NMT1: variants seen among roughly 807,000 people sequenced by gnomAD.
NMT1 encodes the protein glycylpeptide N-tetradecanoyltransferase 1.
In NMT1, 12 loss-of-function variants were observed where a neutral mutation model predicts 63.4. The observed-to-expected ratio is 0.19, with a 90% CI of 0.12 to 0.31. The LOEUF is 0.31. NMT1 is among the 10% of genes least tolerant of loss of function. The pLI is 1.00. For synonymous variants in NMT1, 228 were observed against 234.3 expected (o/e 0.97, Z 0.25); for missense variants, 432 against 634.6 (o/e 0.68, Z 3.43).
intron 1 of NMT1, among the ~76,000 whole-genome samples, chr17:45,068,077 C>T (rs1421123316): frequency 6.6e-6 from 1 of 152,218 alleles, no homozygotes; most frequent in East Asian, 1.9e-4. Context: ...CTCTACCCTT[C>T]AGGCCTCTCT....
chr17:45,096,474 C>CA (rs2054125692), intron 5 of NMT1, among the ~76,000 whole-genome samples, 189 bp downstream of exon 5: 1 of 152,210 alleles, frequency 6.6e-6, no homozygotes, highest in African/African-American at 2.4e-5. Flanking sequence ...TTGTTTAAGA[C>CA]AATTGACTGG....
In NMT1 at chr17:45,103,134, G is replaced by A. The variant is rs2054179021; in HGVS notation, c.1164+13G>A. On this transcript the variant is annotated intron_variant, in intron 9 of 11. Coordinates refer to ENST00000258960, the MANE Select transcript of NMT1 (RefSeq NM_021079.5). This position sits in a 1 kb window ranked among gnomAD's most constrained non-coding sequence, Gnocchi z 4.8. ...TTTCGTGGTGGAGGTGAGTCAGGGA[G>A]TGGTGTTCCAGGTCTCTAACACGTT... The A allele has an allele frequency of 6.2e-7, 1 of 1,601,974 alleles. No homozygotes were observed.
Position 45,061,418 on chromosome 17 carries a change from G to T in NMT1, c.89G>T (p.Cys30Phe). The change falls in exon 1 of 12, where the codon TGC becomes TTC. Residue 30 changes from cysteine to phenylalanine, a missense_variant. Cys to Phe is a radical substitution (Grantham distance 205, BLOSUM62 -2). Coordinates refer to ENST00000258960, the MANE Select transcript of NMT1 (RefSeq NM_021079.5). ...MEGNGNGHEH[C>F]SDCENEEDNS... ...GGGAACGGGAACGGCCATGAGCACTGCAGCGATTGCGAGAATGAGGAGGAC... is the reference window on the plus strand; with the variant it reads ...GGGAACGGGAACGGCCATGAGCACTTCAGCGATTGCGAGAATGAGGAGGAC... The T allele has an allele frequency of 6.2e-7, 1 of 1,613,982 alleles. No individual in the cohort carries two copies. The highest frequency in any genetic ancestry group is 8.5e-7 in the Non-Finnish European group (1 of 1,179,958).
At chr17:45,069,145 G>C (rs2053923077) in intron 1 of NMT1, among the ~76,000 whole-genome samples, 1 of 151,418 alleles carries the variant, frequency 6.6e-6, no homozygotes, top group Non-Finnish European at 1.5e-5. Context: ...AGTTTTAGTA[G>C]AGACGGGGTT....
chr17:45,082,315 A>G (rs751176815), intron 2 of NMT1, among the ~76,000 whole-genome samples: 9 of 149,856 alleles, frequency 6.0e-5, no homozygotes, highest in Admixed American at 4.7e-4. Context: ...GAGTCTCACT[A>G]TGTTACCCAA....
chr17:45,105,059 A>AC lies in NMT1; in HGVS notation c.1470+65dup, dbSNP rs2054193923. On this transcript the variant is annotated intron_variant, in intron 11 of 11. Coordinates refer to ENST00000258960, the MANE Select transcript of NMT1 (RefSeq NM_021079.5). This position sits in a 1 kb window ranked among gnomAD's most constrained non-coding sequence, Gnocchi z 4.2. ...CAGGGTGTCCATGTCTCCAGCAGAAACCGGGCCATGGGTTGAGGAGACAGC... is the reference window on the plus strand; with the variant it reads ...CAGGGTGTCCATGTCTCCAGCAGAAACCCGGGCCATGGGTTGAGGAGACAGC... 1.2e-6 allele frequency: 2 copies of AC among 1,604,822 alleles called. No homozygotes were observed. The highest frequency in any genetic ancestry group is 1.7e-6 in the Non-Finnish European group (2 of 1,174,634).
At chr17:45,096,122 G>T in intron 4 of NMT1, 72 bp from the exon 5 acceptor site, 4 of 1,109,078 alleles carry the variant, frequency 3.6e-6, no homozygotes, top group Non-Finnish European at 5.5e-6. Flanking sequence ...GAAAAGCCTA[G>T]AGCCCCAGGG....
In NMT1 at chr17:45,108,810, T is replaced by C. The variant is rs2054221078; in HGVS notation, c.*3171T>C. The C allele has an allele frequency of 6.6e-6, 1 of 152,258 alleles. No individual in the cohort carries two copies. Among genetic ancestry groups the C allele is most frequent in the South Asian group, 2.1e-4 (1 of 4,832 alleles). The allele number at this position is 152,258 out of a possible 1,614,324, so 9.4% of individuals were successfully genotyped here. ...ACGGAGGCTGTTGAGGACAATTTCA[T>C]TCCATTAAATTAAAAAATACTGACT... On this transcript the variant is annotated 3_prime_UTR_variant, in exon 12 of 12. Transcript: ENST00000258960.
Position 45,104,313 on chromosome 17 carries a change from C to T in NMT1, c.1332+437C>T. ...GTGGGTTCTGGTAACCTGTGCCCAG[C>T]CCAGCCCAGCCTGCTGTAGGCAATC... is the stretch of plus-strand genomic sequence containing the variant. On this transcript the variant is annotated intron_variant, in intron 10 of 11. Coordinates refer to ENST00000258960, the MANE Select transcript of NMT1 (RefSeq NM_021079.5). The surrounding 1 kb of genome is among the most constrained non-coding windows in gnomAD (Gnocchi z 4.2). The T allele has an allele frequency of 8.5e-7, 1 of 1,173,252 alleles. No homozygotes were observed. Among genetic ancestry groups the T allele is most frequent in the East Asian group, 6.2e-5 (1 of 16,024 alleles). 72.7% of individuals were successfully genotyped at this position (1,173,252 alleles called of 1,614,324 possible).
chr17:45,102,898 T>G (rs2143523208), intron 8 of NMT1, 53 bp from the exon 9 acceptor site: 1 of 1,517,446 alleles, frequency 6.6e-7, no homozygotes, highest in East Asian at 2.3e-5. Context: ...TTGCCATGGA[T>G]AGATCCAGGG....
At chr17:45,084,854 A>G (rs2054041868) in intron 2 of NMT1, among the ~76,000 whole-genome samples, 1 of 152,166 alleles carries the variant, frequency 6.6e-6, no homozygotes, top group Non-Finnish European at 1.5e-5. Flanking sequence ...TTAGAGAGCA[A>G]ATTGATGATA....
At chr17:45,093,269 ATTG>A (rs1216196891) in intron 3 of NMT1, among the ~76,000 whole-genome samples, 3 of 152,220 alleles carry the variant, frequency 2.0e-5, no homozygotes, top group Non-Finnish European at 2.9e-5. Flanking sequence ...GGCCCAGTAC[ATTG>A]TTGTTGCTGT....
rs901967082 is a variant in NMT1 at position 45,105,122 on chromosome 17, G to A, written c.1470+126G>A. ...CCTTGTTACCTCGAGTTGAACCTTT[G>A]AAAATGCCCTCCCTCTGCTGGCCAG... On this transcript the variant is annotated intron_variant, in intron 11 of 11. Coordinates refer to ENST00000258960, the MANE Select transcript of NMT1 (RefSeq NM_021079.5). This position sits in a 1 kb window ranked among gnomAD's most constrained non-coding sequence, Gnocchi z 4.2. 1.5e-5 allele frequency: 19 copies of A among 1,250,752 alleles called. No individual in the cohort carries two copies. The highest frequency in any genetic ancestry group is 1.9e-5 in the Non-Finnish European group (17 of 898,724). The allele number at this position is 1,250,752 out of a possible 1,614,324, so 77.5% of individuals were successfully genotyped here.
intron 1 of NMT1, among the ~76,000 whole-genome samples, chr17:45,078,659 G>C (rs1229599377): frequency 1.3e-5 from 2 of 151,672 alleles, no homozygotes; most frequent in Non-Finnish European, 2.9e-5. Flanking sequence ...GTGTTTTTTT[G>C]TTTGTTTGTT....
intron 1 of NMT1, among the ~76,000 whole-genome samples, chr17:45,070,095 C>G (rs1298330699): frequency 1.3e-5 from 2 of 152,166 alleles, no homozygotes; most frequent in Admixed American, 6.6e-5. Flanking sequence ...TTTGTGACCT[C>G]TAAAAAGCAG....
At position 45,061,345 on chromosome 17, in the gene NMT1, GAGAC is replaced by G; in HGVS notation, c.19_22del (p.Thr7GlnfsTer2). On this transcript the variant is annotated frameshift_variant, in exon 1 of 12. Transcript: ENST00000258960. LOFTEE classifies it high-confidence loss of function. ...GCAACTCAAGATGGCGGACGAGAGTGAGACAGCAGTGAAGCCGCCGGCACCTCCG... is the reference window on the plus strand; with the variant it reads ...GCAACTCAAGATGGCGGACGAGAGTGAGCAGTGAAGCCGCCGGCACCTCCG... 1 of 1,613,888 alleles carries G rather than the reference GAGAC, an allele frequency of 6.2e-7. No individual in the cohort carries two copies. Among genetic ancestry groups the G allele is most frequent in the Non-Finnish European group, 8.5e-7 (1 of 1,179,938 alleles).
chr17:45,090,214 G>T (rs887809742), intron 3 of NMT1, among the ~76,000 whole-genome samples: 12 of 152,084 alleles, frequency 7.9e-5, no homozygotes, highest in Admixed American at 2.6e-4. Flanking sequence ...AGTCCTGGAG[G>T]TCGAGGCTGT....
intron 1 of NMT1, among the ~76,000 whole-genome samples, chr17:45,062,207 A>C (rs943280448): frequency 1.3e-5 from 2 of 152,182 alleles, no homozygotes; most frequent in Non-Finnish European, 2.9e-5. Context: ...GGGTCTTGCC[A>C]TTAGTTACTA....
At chr17:45,081,264 T>C (rs563725602) in intron 1 of NMT1, among the ~76,000 whole-genome samples, 2 of 152,382 alleles carry the variant, frequency 1.3e-5, no homozygotes, top group South Asian at 4.1e-4. Flanking sequence ...CACTGCCTTT[T>C]GGCTGTCATC....
Sources: gnomAD v4.1 joint callset for allele counts (sites outside exome capture counted in the v4.1 genomes callset) on GRCh38, gnomAD v4.1.1 for gene constraint, Gnocchi (gnomAD v3.1) non-coding constraint, MANE v1.5 for transcripts, NCBI Gene and HGNC (gene_info 2026-07-23, HGNC 2026-07-21) for gene names.